Variants in GRM1 observed in about 807,000 individuals in gnomAD.
The protein encoded by GRM1 is glutamate metabotropic receptor 1, also known as metabotropic glutamate receptor 1.
GRM1 carries 33 observed loss-of-function variants against 90.9 expected under a neutral mutation model. That is an observed-to-expected ratio of 0.36 (90% CI 0.28 to 0.49). The LOEUF is 0.49. Among genes scored for constraint, GRM1 ranks in the 20% least tolerant of loss-of-function variants. The pLI, the probability that GRM1 is intolerant of heterozygous loss-of-function variation, is 0.99. For synonymous variants in GRM1, 700 were observed against 613.2 expected, an observed-to-expected ratio of 1.14 and a Z score of -2.09; for missense variants, 1,190 against 1,534.3, an observed-to-expected ratio of 0.78 and a Z score of 3.75.
At chr6:146,052,901 A>G (rs1036282563) in intron 1 of GRM1, among the ~76,000 whole-genome samples, 1 of 152,032 alleles carries the variant, frequency 6.6e-6, no homozygotes, top group Non-Finnish European at 1.5e-5. Context: ...ACACCGTCAT[A>G]TTTCCAGAAC....
chr6:146,399,855 C>T lies in GRM1; in HGVS notation c.2660+156C>T, dbSNP rs1777095692. Among the ~76,000 whole-genome samples the T allele has an allele frequency of 6.6e-6, 1 of 151,918 alleles. No individual in the cohort carries two copies. The highest frequency in any genetic ancestry group is 2.1e-4 in the South Asian group (1 of 4,808). On this transcript the variant is annotated intron_variant, in intron 7 of 7. Transcript: ENST00000282753. This position sits in a 1 kb window ranked among gnomAD's most constrained non-coding sequence, Gnocchi z 5.4. ...CATGTCTTTCTCTTCCTTTCTTAAT[C>T]TTTTCTCCCTTTCTTAAATCTCACA... is the stretch of plus-strand genomic sequence containing the variant.
chr6:146,285,418 T>C (rs1243915837), intron 2 of GRM1, among the ~76,000 whole-genome samples: 1 of 152,190 alleles, frequency 6.6e-6, no homozygotes, highest in Non-Finnish European at 1.5e-5. Flanking sequence ...ACAAACACCG[T>C]AACCTGTAGT....
chr6:146,075,729 G>T (rs977386269), intron 1 of GRM1, among the ~76,000 whole-genome samples: 2 of 152,200 alleles, frequency 1.3e-5, no homozygotes, highest in Non-Finnish European at 2.9e-5. Flanking sequence ...TTGTAGGAGA[G>T]AATCCTTCCT....
At chr6:146,386,607 T>C (rs902984621) in intron 5 of GRM1, among the ~76,000 whole-genome samples, 1 of 152,060 alleles carries the variant, frequency 6.6e-6, no homozygotes, top group Non-Finnish European at 1.5e-5. Context: ...AATTAAACTG[T>C]TTCATTTTTA....
In GRM1 at chr6:146,352,411, C is replaced by G. The variant is rs1477851216; in HGVS notation, c.1348C>G (p.Leu450Val). ...DAMKPIDGSK[L>V]LDFLIKSSFI... ...CATGAAGCCCATCGACGGCAGCAAG[C>G]TGCTGGACTTCCTCATCAAGTCCTC... is the stretch of plus-strand genomic sequence containing the variant. The change falls in exon 4 of 8, where the codon CTG becomes GTG. Residue 450 changes from leucine (L) to valine (V), a missense_variant. Physicochemically the swap from Leu to Val is conservative, Grantham distance 32. Coordinates refer to ENST00000282753, the MANE Select transcript of GRM1 (RefSeq NM_001278064.2). 1.2e-6 allele frequency: 2 copies of G among 1,613,864 alleles called. No homozygotes were observed. The highest frequency in any genetic ancestry group is 1.7e-6 in the Non-Finnish European group (2 of 1,179,826).
chr6:146,406,933 T>C (rs1282922372), intron 7 of GRM1, among the ~76,000 whole-genome samples: 75 of 152,144 alleles, frequency 4.9e-4, no homozygotes, highest in Non-Finnish European at 1.2e-4. Context: ...CAGTTGGGGA[T>C]ACAGCATGCA....
chr6:146,331,535 T>G (rs1010532410), intron 3 of GRM1, among the ~76,000 whole-genome samples: 6 of 152,090 alleles, frequency 3.9e-5, no homozygotes, highest in Non-Finnish European at 7.4e-5. Context: ...GATAATAAAT[T>G]TATAAACCTG....
chr6:146,139,796 G>A (rs571990899), intron 1 of GRM1, among the ~76,000 whole-genome samples: 2 of 151,882 alleles, frequency 1.3e-5, no homozygotes, highest in East Asian at 3.9e-4. Flanking sequence ...GTGTTTAGTC[G>A]ACTTAACATT....
intron 2 of GRM1, among the ~76,000 whole-genome samples, chr6:146,225,516 A>C (rs897459787): frequency 6.6e-6 from 1 of 152,128 alleles, no homozygotes; most frequent in African/African-American, 2.4e-5. Context: ...CACAGGCTAT[A>C]CTTCATTTTC....
intron 1 of GRM1, among the ~76,000 whole-genome samples, chr6:146,090,340 C>T (rs891775957): frequency 6.6e-6 from 1 of 152,016 alleles, no homozygotes; most frequent in Non-Finnish European, 1.5e-5. Context: ...CAATTTGGGG[C>T]AGCATATTTA....
chr6:146,189,076 G>A (rs1282352702), intron 2 of GRM1, among the ~76,000 whole-genome samples: 1 of 152,160 alleles, frequency 6.6e-6, no homozygotes, highest in African/African-American at 2.4e-5. Context: ...TGAGTGTTTA[G>A]ACTAAAATAC....
Position 146,029,406 on chromosome 6 carries a change from G to T in GRM1, c.-112G>T. ...CTTGGACGACCATTGTTGGCGAGGG[G>T]CACCACTCCGGGAGAGGCGGCGCTG... On this transcript the variant is annotated 5_prime_UTR_variant, in exon 1 of 8. Coordinates refer to ENST00000282753, the MANE Select transcript of GRM1 (RefSeq NM_001278064.2). 1.2e-6 allele frequency: 1 copy of T among 853,210 alleles called. No individual in the cohort carries two copies. Among genetic ancestry groups the T allele is most frequent in the Non-Finnish European group, 2.0e-6 (1 of 493,054 alleles). 52.9% of individuals were successfully genotyped at this position (853,210 alleles called of 1,614,324 possible). A position where few individuals can be genotyped will look rare whatever the true frequency, so the allele number is the denominator to read the frequency against.
intron 2 of GRM1, among the ~76,000 whole-genome samples, chr6:146,215,447 T>C (rs1335267017): frequency 6.6e-6 from 1 of 152,086 alleles, no homozygotes; most frequent in Non-Finnish European, 1.5e-5. Flanking sequence ...ATATTACAAA[T>C]CTATAGCTGC....
chr6:146,313,665 C>T (rs886907028), intron 3 of GRM1, among the ~76,000 whole-genome samples: 4 of 152,008 alleles, frequency 2.6e-5, no homozygotes, highest in African/African-American at 9.7e-5. Context: ...GGGGTCTGGC[C>T]CATTTACTCT....
intron 1 of GRM1, among the ~76,000 whole-genome samples, chr6:146,055,693 C>T (rs993102674): frequency 6.6e-6 from 1 of 151,972 alleles, no homozygotes; most frequent in Non-Finnish European, 1.5e-5. Flanking sequence ...AAATAATTTC[C>T]CTCGGCAGCT....
At chr6:146,339,504 CTT>C (rs1301012145) in intron 3 of GRM1, among the ~76,000 whole-genome samples, 1 of 152,094 alleles carries the variant, frequency 6.6e-6, no homozygotes, top group East Asian at 1.9e-4. Flanking sequence ...ATTCAATAAT[CTT>C]GAGTGATAGC....
At position 146,131,266 on chromosome 6, in the gene GRM1, A is replaced by G. The variant is rs1489016725; in HGVS notation, c.701-28082A>G. Among the ~76,000 whole-genome samples the G allele has an allele frequency of 3.9e-5, 6 of 152,184 alleles. 1 individual carries two copies. The South Asian group carries it at 8.3e-4, about 21-fold the overall frequency. On this transcript the variant is annotated intron_variant, in intron 1 of 7. Coordinates refer to ENST00000282753, the MANE Select transcript of GRM1 (RefSeq NM_001278064.2). The stretch of plus-strand genomic sequence containing the variant: ...TGTTGTAATTCTCAAGTAGAATTTT[A>G]GACTTTTTTTCATTTGCTTTATTTC...
chr6:146,187,805 A>G (rs1296558159), intron 2 of GRM1, among the ~76,000 whole-genome samples: 1 of 151,986 alleles, frequency 6.6e-6, no homozygotes, highest in Non-Finnish European at 1.5e-5. Flanking sequence ...ACAAAAGAGT[A>G]AAACGATACA....
intron 2 of GRM1, among the ~76,000 whole-genome samples, chr6:146,239,800 G>T (rs1780785048): frequency 6.6e-6 from 1 of 152,114 alleles, no homozygotes; most frequent in African/African-American, 2.4e-5. Context: ...TAACTTTTGA[G>T]TGACAGTTTG....
Sources: allele counts gnomAD v4.1 joint callset (sites outside exome capture counted in the v4.1 genomes callset), GRCh38; gene constraint gnomAD v4.1.1; non-coding constraint Gnocchi (gnomAD v3.1); transcripts MANE v1.5; gene names NCBI Gene and HGNC (gene_info 2026-07-23, HGNC 2026-07-21).